The following OXR1 variants were observed in gnomAD, a reference collection of about 807,000 sequenced individuals.
The protein encoded by OXR1 is oxidation resistance protein 1.
OXR1 carries 41 observed loss-of-function variants against 104.6 expected under a neutral mutation model. The ratio of observed to expected loss-of-function variants is 0.39; its 90% CI spans 0.31 to 0.51. The LOEUF (loss-of-function observed/expected upper bound fraction) is 0.51. Ranked by LOEUF, OXR1 falls within the 20% of genes least tolerant of loss-of-function variation. The pLI is 0.77. For missense variants in OXR1, 955 were observed against 1,031.9 expected, an observed-to-expected ratio of 0.93 and a Z score of 1.02; for synonymous variants, 348 against 348.4, an observed-to-expected ratio of 1.00 and a Z score of 0.01.
intron 3 of OXR1, among the ~76,000 whole-genome samples, chr8:106,579,508 G>A (rs1304189401): frequency 1.3e-5 from 2 of 152,210 alleles, no homozygotes; most frequent in Admixed American, 1.3e-4. Context: ...ATCTACGAGA[G>A]TGCAGGGAAG....
intron 16 of OXR1, 32 bp downstream of exon 16, chr8:106,745,894 T>C (rs1451667263): frequency 1.7e-6 from 2 of 1,164,936 alleles, no homozygotes; most frequent in African/African-American, 3.1e-5. Context: ...CTATGAGATT[T>C]TTGAAGAACT....
At chr8:106,382,137 C>A (rs193116604) in intron 2 of OXR1, among the ~76,000 whole-genome samples, 1 of 152,330 alleles carries the variant, frequency 6.6e-6, no homozygotes, top group South Asian at 2.1e-4. Context: ...TAAGTCCTGG[C>A]TCTGCAGCTA....
chr8:106,522,918 A>G (rs1813366053), intron 3 of OXR1: 1 of 152,222 alleles, frequency 6.6e-6, no homozygotes, highest in Admixed American at 6.5e-5. Flanking sequence ...TCCACACGGT[A>G]TGACTGGATT....
intron 3 of OXR1, among the ~76,000 whole-genome samples, chr8:106,676,855 G>T (rs1303926780): frequency 1.3e-5 from 2 of 151,908 alleles, no homozygotes; most frequent in Admixed American, 1.3e-4. Context: ...TTTATAATAT[G>T]TAATTATTGC....
chr8:106,551,505 T>C (rs1377493805), intron 3 of OXR1, among the ~76,000 whole-genome samples: 1 of 152,148 alleles, frequency 6.6e-6, no homozygotes, highest in African/African-American at 2.4e-5. Context: ...GAATACTGGC[T>C]TTTGGTTGTG....
At chr8:106,519,620 C>T (rs1009428922) in intron 3 of OXR1, among the ~76,000 whole-genome samples, 1 of 152,106 alleles carries the variant, frequency 6.6e-6, no homozygotes. Context: ...AAGAAAGTAA[C>T]GTTATTACAT....
chr8:106,290,137 C>T (rs761583314), intron 1 of OXR1, among the ~76,000 whole-genome samples: 1 of 152,000 alleles, frequency 6.6e-6, no homozygotes, highest in Admixed American at 6.6e-5. Flanking sequence ...GGGTAAAAAT[C>T]TCAGAAATAA....
chr8:106,302,540 C>A (rs1053715335), intron 1 of OXR1, among the ~76,000 whole-genome samples: 6 of 148,472 alleles, frequency 4.0e-5, no homozygotes, highest in African/African-American at 1.5e-4. Flanking sequence ...GAGCTTAGAT[C>A]GCGCCAGTGC....
intron 11 of OXR1, among the ~76,000 whole-genome samples, chr8:106,736,548 G>A (rs1419380537): frequency 6.6e-6 from 1 of 152,114 alleles, no homozygotes; most frequent in Non-Finnish European, 1.5e-5. Flanking sequence ...CAAGAGAATC[G>A]TCACATATTT....
chr8:106,313,276 A>G (rs1197270663), intron 1 of OXR1, among the ~76,000 whole-genome samples: 1 of 152,184 alleles, frequency 6.6e-6, no homozygotes, highest in Non-Finnish European at 1.5e-5. Context: ...GAAACTACAC[A>G]TTCAACTTTG....
At chr8:106,640,290 A>C (rs1164834959) in intron 3 of OXR1, among the ~76,000 whole-genome samples, 1 of 151,506 alleles carries the variant, frequency 6.6e-6, no homozygotes. Context: ...AAATATATAC[A>C]TTTGTATATA....
chr8:106,459,773 G>T (rs1035234624), intron 2 of OXR1, among the ~76,000 whole-genome samples: 13 of 152,126 alleles, frequency 8.5e-5, no homozygotes, highest in African/African-American at 3.1e-4. Context: ...AATTTCTTGT[G>T]TTTCCTATTG....
intron 2 of OXR1, among the ~76,000 whole-genome samples, chr8:106,431,999 C>G (rs1326431700): frequency 1.3e-5 from 2 of 152,112 alleles, no homozygotes; most frequent in African/African-American, 4.8e-5. Context: ...GTCCTAAAGT[C>G]AACACTGTTA....
At position 106,710,649 on chromosome 8, in the gene OXR1, GGC is replaced by G; in HGVS notation, c.1653_1654del (p.His552SerfsTer4). 1 of 1,589,544 alleles carries G rather than the reference GGC, an allele frequency of 6.3e-7. No individual in the cohort carries two copies. The highest frequency in any genetic ancestry group is 8.6e-7 in the Non-Finnish European group (1 of 1,169,036). ...TCTGCACTTTTAAAAGAAAAGCAAA[GGC>G]ATCGATTACATAAGTTCTTGTGTCT... On this transcript the variant is annotated frameshift_variant, in exon 10 of 17. Coordinates refer to ENST00000517566, the MANE Select transcript of OXR1 (RefSeq NM_001198533.2). LOFTEE classifies it high-confidence loss of function.
chr8:106,450,840 A>G (rs1278869640), intron 2 of OXR1, among the ~76,000 whole-genome samples: 1 of 152,032 alleles, frequency 6.6e-6, no homozygotes, highest in Non-Finnish European at 1.5e-5. Context: ...TGTGCACCTC[A>G]GAAAAGTAAT....
At chr8:106,405,441 T>A (rs756148334) in intron 2 of OXR1, among the ~76,000 whole-genome samples, 1 of 151,880 alleles carries the variant, frequency 6.6e-6, no homozygotes, top group Non-Finnish European at 1.5e-5. Flanking sequence ...AAAGGTGAAT[T>A]TGAAACTTGT....
At chr8:106,525,132 G>A (rs1813559762) in intron 3 of OXR1, among the ~76,000 whole-genome samples, 1 of 152,182 alleles carries the variant, frequency 6.6e-6, no homozygotes, top group South Asian at 2.1e-4. Flanking sequence ...AGTTAGAAAG[G>A]GTTATGAATC....
intron 1 of OXR1, among the ~76,000 whole-genome samples, chr8:106,289,014 G>A (rs1812632674): frequency 6.6e-6 from 1 of 151,964 alleles, no homozygotes; most frequent in Non-Finnish European, 1.5e-5. Context: ...ATCATCCAAG[G>A]GACATACCTC....
intron 3 of OXR1, chr8:106,618,227 G>A: frequency 6.8e-7 from 1 of 1,460,956 alleles, no homozygotes; most frequent in Non-Finnish European, 9.3e-7. Flanking sequence ...AAGTTATTTT[G>A]GAAAGTCAGA....
Sources: gnomAD v4.1 joint callset for allele counts (sites outside exome capture counted in the v4.1 genomes callset) on GRCh38, gnomAD v4.1.1 for gene constraint, MANE v1.5 for transcripts, NCBI Gene and HGNC (gene_info 2026-07-23, HGNC 2026-07-21) for gene names.